Variants in PTGR2 observed in about 807,000 individuals in gnomAD.
PTGR2 encodes the protein 15-oxoprostaglandin 13-reductase.
A neutral mutation model predicts 43.4 loss-of-function variants in PTGR2; 32 were observed. The observed-to-expected ratio is 0.74, with a 90% confidence interval of 0.56 to 0.99. PTGR2 has a LOEUF of 0.99. Ranked by LOEUF, PTGR2 falls within the 50% of genes least tolerant of loss-of-function variation. The probability of loss-of-function intolerance (pLI) is 0.00; values close to 1 mark genes in which losing one functional copy is unlikely to be tolerated. For synonymous variants in PTGR2, 106 were observed against 139.2 expected (o/e 0.76, Z 1.68); for missense variants, 373 against 420.0 (o/e 0.89, Z 0.98).
Position 73,868,787 on chromosome 14 carries a change from T to TA in PTGR2, c.157-5224dup, listed in dbSNP as rs35329806. On this transcript the variant is annotated intron_variant, in intron 3 of 9. Transcript: ENST00000555661. The stretch of plus-strand genomic sequence containing the variant: ...GTGGAAACCAAAGATACTTCTTCCT[T>TA]AAAAAAAAAAAAGAAGACTCTGGGC... Among the ~76,000 whole-genome samples, 714 of 148,064 alleles carry TA rather than the reference T, an allele frequency of 4.8e-3. 8 individuals carry two copies. Among genetic ancestry groups the TA allele is most frequent in the African/African-American group, 0.016 (646 of 40,202 alleles).
chr14:73,867,032 T>G (rs2054610784), intron 3 of PTGR2, among the ~76,000 whole-genome samples: 1 of 132,408 alleles, frequency 7.6e-6, no homozygotes, highest in African/African-American at 2.9e-5. Flanking sequence ...GAGATTGCAG[T>G]AAGCCAAGAT....
intron 4 of PTGR2, among the ~76,000 whole-genome samples, chr14:73,875,432 G>T (rs1169824038): frequency 1.3e-5 from 2 of 151,504 alleles, no homozygotes; most frequent in Non-Finnish European, 2.9e-5. Context: ...TTCAACCTCT[G>T]CCACCTGGGT....
intron 1 of PTGR2, among the ~76,000 whole-genome samples, chr14:73,857,092 C>G (rs550507998): frequency 6.6e-6 from 1 of 151,464 alleles, no homozygotes; most frequent in Non-Finnish European, 1.5e-5. Flanking sequence ...AGCAACATAG[C>G]GAGACCTCAT....
At chr14:73,857,783 G>A (rs889849535) in intron 1 of PTGR2, among the ~76,000 whole-genome samples, 3 of 143,560 alleles carry the variant, frequency 2.1e-5, no homozygotes, top group African/African-American at 5.1e-5. Flanking sequence ...ATTCTCCTGC[G>A]TCAGCCTCCG....
At chr14:73,860,467 AAATAAT>A (rs372577049) in intron 2 of PTGR2, 66 bp from the exon 3 acceptor site, 60 of 709,668 alleles carry the variant, frequency 8.5e-5, no homozygotes, top group Non-Finnish European at 1.3e-4. Flanking sequence ...ACTCTGTCTC[AAATAAT>A]AATAATAATA....
intron 3 of PTGR2, among the ~76,000 whole-genome samples, chr14:73,873,751 A>G (rs1050339842): frequency 1.3e-5 from 2 of 152,162 alleles, no homozygotes; most frequent in Non-Finnish European, 2.9e-5. Flanking sequence ...GGCCTGAGCC[A>G]CCGTTCCCAG....
chr14:73,883,360 C>CTT (rs111478120), intron 9 of PTGR2, among the ~76,000 whole-genome samples: 2 of 142,062 alleles, frequency 1.4e-5, no homozygotes, highest in African/African-American at 5.2e-5. Flanking sequence ...TATGCCCAAC[C>CTT]TTTTTTTTTT....
rs1352368211 is a variant in PTGR2, at chr14:73,885,484, T to C, written c.*1307T>C. Reference sequence around the variant, plus strand: ...TTCTGAATGTTTTGGCTTATGATTGTCTACACACTGCCAATATACTTTTGT... The same window carrying C: ...TTCTGAATGTTTTGGCTTATGATTGCCTACACACTGCCAATATACTTTTGT... On this transcript the variant is annotated 3_prime_UTR_variant, in exon 10 of 10. Transcript: ENST00000555661. 6.6e-6 allele frequency: 1 copy of C among 152,236 alleles called. No individual in the cohort carries two copies. Among genetic ancestry groups the C allele is most frequent in the Non-Finnish European group, 1.5e-5 (1 of 68,036 alleles). 9.4% of individuals were successfully genotyped at this position (152,236 alleles called of 1,614,324 possible).
At chr14:73,878,554 C>T (rs1485323899) in intron 5 of PTGR2, 1 of 317,846 alleles carries the variant, frequency 3.1e-6, no homozygotes, top group South Asian at 2.9e-5. Flanking sequence ...ATCAGTATGA[C>T]ACTCTCTCGA....
Position 73,871,240 on chromosome 14 carries a change from A to G in PTGR2, c.157-2783A>G, listed in dbSNP as rs908059591. ...GAGGAGTTTCCAAATAGCTGAACAC[A>G]TGGTGATTCCTGTAGGGTGGTGCAC... On this transcript the variant is annotated intron_variant, in intron 3 of 9. Coordinates refer to ENST00000555661, the MANE Select transcript of PTGR2 (RefSeq NM_001146154.2). 4.0e-5 allele frequency among the ~76,000 whole-genome samples: 6 copies of G among 151,704 alleles called. No individual in the cohort carries two copies. In the East Asian group the frequency reaches 1.2e-3, roughly 29 times the overall value.
chr14:73,871,341 C>CTTTTTTTTTTTTTTTTTTTT (rs869073652), intron 3 of PTGR2, among the ~76,000 whole-genome samples: 3 of 67,878 alleles, frequency 4.4e-5, no homozygotes, highest in African/African-American at 6.0e-5. Context: ...GGCTGTTCAT[C>CTTTTTTTTTTTTTTTTTTTT]TTTTTTTTTT....
intron 9 of PTGR2, 39 bp from the exon 10 acceptor site, chr14:73,884,062 C>A: frequency 1.6e-6 from 2 of 1,232,734 alleles, no homozygotes; most frequent in Non-Finnish European, 2.4e-6. Context: ...ATGATAGTGA[C>A]ATTTATCTTT....
chr14:73,878,589 G>T, intron 5 of PTGR2: 1 of 406,326 alleles, frequency 2.5e-6, no homozygotes, highest in Non-Finnish European at 4.7e-6. Context: ...GCAACAAGCT[G>T]TAGCTCCTGG....
chr14:73,879,117 T>C lies in PTGR2; in HGVS notation c.541T>C (p.Ser181Pro). Residue 181 changes from serine to proline, a missense_variant, in exon 6 of 10, where the codon TCC (serine) becomes CCC (proline). Transcript: ENST00000555661. ...CTAGATTGGCCATTTCTTAGGTTGT[T>C]CCAGAGTGGTGGGAATTTGTGGAAC... is the stretch of plus-strand genomic sequence containing the variant. ...AGQIGHFLGC[S>P]RVVGICGTHE... is the part of the protein sequence containing the mutation. 1.2e-6 allele frequency: 2 copies of C among 1,614,152 alleles called. No individual in the cohort carries two copies. The highest frequency in any genetic ancestry group is 1.7e-6 in the Non-Finnish European group (2 of 1,180,024).
intron 4 of PTGR2, among the ~76,000 whole-genome samples, chr14:73,875,738 CTT>C (rs202193452): frequency 7.8e-4 from 106 of 136,232 alleles, no homozygotes; most frequent in African/African-American, 1.5e-3. Flanking sequence ...TAAGCACTTC[CTT>C]TTTTTTTTTT....
chr14:73,884,205 T>G lies in PTGR2; in HGVS notation c.*28T>G. On this transcript the variant is annotated 3_prime_UTR_variant, in exon 10 of 10. Coordinates refer to ENST00000555661, the MANE Select transcript of PTGR2 (RefSeq NM_001146154.2). ...GCTGTAAATGTCATCAAGGCAATCA[T>G]AGATTTCTTTTCCATTTTGCATATT... is the stretch of plus-strand genomic sequence containing the variant. 7.3e-7 allele frequency: 1 copy of G among 1,369,702 alleles called. No individual in the cohort carries two copies. The allele number at this position is 1,369,702 out of a possible 1,614,324, so 84.8% of individuals were successfully genotyped here.
intron 5 of PTGR2, chr14:73,878,560 C>A: frequency 2.9e-6 from 1 of 339,496 alleles, no homozygotes. Flanking sequence ...ATGACACTCT[C>A]TCGAGATGCT....
intron 2 of PTGR2, among the ~76,000 whole-genome samples, chr14:73,860,324 G>A (rs140255485): frequency 0.013 from 1,960 of 151,914 alleles, 58 homozygotes; most frequent in Admixed American, 0.069. Flanking sequence ...AAAAGTAGCC[G>A]GGCATGGTGG....
At chr14:73,865,623 G>A (rs75036924) in intron 3 of PTGR2, among the ~76,000 whole-genome samples, 3,060 of 152,114 alleles carry the variant, frequency 0.02, 32 homozygotes, top group Middle Eastern at 0.065. Flanking sequence ...AAACTCCCTG[G>A]GCTCAAGTGA....
Sources: allele counts gnomAD v4.1 joint callset (sites outside exome capture counted in the v4.1 genomes callset), GRCh38; gene constraint gnomAD v4.1.1; transcripts MANE v1.5; gene names NCBI Gene and HGNC (gene_info 2026-07-23, HGNC 2026-07-21).